Variants in SLC5A12 observed in about 807,000 individuals in gnomAD.
SLC5A12 encodes the protein sodium-coupled monocarboxylate transporter 2.
A neutral mutation model predicts 72.7 loss-of-function variants in SLC5A12; 46 were observed. The ratio of observed to expected loss-of-function variants is 0.63; its 90% confidence interval spans 0.50 to 0.81. SLC5A12 has a LOEUF of 0.81. Among genes scored for constraint, SLC5A12 ranks in the 30% least tolerant of loss-of-function variants. SLC5A12 has a pLI of 0.00. For synonymous variants in SLC5A12, 275 were observed against 264.4 expected (o/e 1.04, Z -0.39); for missense variants, 683 against 740.7 (o/e 0.92, Z 0.90).
chr11:26,695,938 CT>C (rs1240972981), intron 8 of SLC5A12, among the ~76,000 whole-genome samples: 1 of 152,120 alleles, frequency 6.6e-6, no homozygotes, highest in African/African-American at 2.4e-5. Flanking sequence ...TTAGTATTTG[CT>C]TTTCCCCCTG....
rs1050537976 is a variant in SLC5A12, at chr11:26,721,973, T to C, written c.-259A>G. The C allele has an allele frequency of 6.3e-6, 3 of 479,238 alleles. No homozygotes were observed. Among genetic ancestry groups the C allele is most frequent in the African/African-American group, 5.8e-5 (3 of 51,388 alleles). The allele number at this position is 479,238 out of a possible 1,614,324, so 29.7% of individuals were successfully genotyped here. On this transcript the variant is annotated 5_prime_UTR_variant, in exon 1 of 15. Transcript: ENST00000396005. Reference sequence around the variant, plus strand: ...TGAGAATTTGAAATCTGACCCTAGCTAAGAGCTGTCTGCTCCTCTCCTAAA... The same window carrying C: ...TGAGAATTTGAAATCTGACCCTAGCCAAGAGCTGTCTGCTCCTCTCCTAAA...
chr11:26,714,521 T>C (rs940534983), intron 1 of SLC5A12, among the ~76,000 whole-genome samples: 9 of 152,188 alleles, frequency 5.9e-5, no homozygotes, highest in Admixed American at 5.2e-4. Flanking sequence ...TCAGTAAGTA[T>C]TCTAGAAGAC....
chr11:26,698,267 G>A, intron 7 of SLC5A12, 139 bp downstream of exon 7: 1 of 1,115,652 alleles, frequency 9.0e-7, no homozygotes, highest in South Asian at 1.7e-5. Context: ...TCACCCAAGA[G>A]AAGAAAGAAA....
intron 9 of SLC5A12, among the ~76,000 whole-genome samples, chr11:26,691,181 A>G (rs1207938307): frequency 6.6e-6 from 1 of 152,106 alleles, no homozygotes; most frequent in Non-Finnish European, 1.5e-5. Flanking sequence ...TTACTATCTG[A>G]AAAAAATGCT....
intron 8 of SLC5A12, among the ~76,000 whole-genome samples, chr11:26,693,049 C>G (rs992432471): frequency 6.6e-6 from 1 of 152,278 alleles, no homozygotes; most frequent in African/African-American, 2.4e-5. Flanking sequence ...TTCTGGGTAT[C>G]AAGCATACAA....
At chr11:26,721,335 T>A in intron 1 of SLC5A12, 41 bp downstream of exon 1, 1 of 1,492,780 alleles carries the variant, frequency 6.7e-7, no homozygotes, top group Non-Finnish European at 9.1e-7. Flanking sequence ...ATCAAGAGGA[T>A]GAGAAAAAAA....
intron 11 of SLC5A12, 125 bp downstream of exon 11, chr11:26,683,632 A>T: frequency 2.9e-6 from 2 of 695,660 alleles, no homozygotes; most frequent in Non-Finnish European, 4.9e-6. Context: ...AGCTCTGTTT[A>T]ATTCTGCTGT....
chr11:26,687,313 TAGAG>T lies in SLC5A12; in HGVS notation c.1154-773_1154-770del, dbSNP rs151031155. Among the ~76,000 whole-genome samples, 505 of 152,108 alleles carry T rather than the reference TAGAG, an allele frequency of 3.3e-3. 1 individual carries two copies. The highest frequency in any genetic ancestry group is 9.8e-3 in the African/African-American group (408 of 41,484). On this transcript the variant is annotated intron_variant, in intron 9 of 14. Transcript: ENST00000396005. Reference sequence around the variant, plus strand: ...CAATAATAACACATAAACAAAACAATAGAGAGAAAGATAGGCAAAAAGTAGCAGA... The same window carrying T: ...CAATAATAACACATAAACAAAACAATAGAAAGATAGGCAAAAAGTAGCAGA...
At chr11:26,718,817 A>G (rs1220226244) in intron 1 of SLC5A12, among the ~76,000 whole-genome samples, 1 of 152,144 alleles carries the variant, frequency 6.6e-6, no homozygotes, top group African/African-American at 2.4e-5. Flanking sequence ...CTTGCATGCC[A>G]TAATGCCAAT....
intron 6 of SLC5A12, among the ~76,000 whole-genome samples, chr11:26,701,476 C>T (rs1854956723): frequency 1.3e-5 from 2 of 152,116 alleles, no homozygotes; most frequent in South Asian, 2.1e-4. Flanking sequence ...AGCTTTCATA[C>T]TCACTAAATA....
rs1211695438 is a variant in SLC5A12 at position 26,669,012 on chromosome 11, G to T, written c.*2090C>A. The T allele has an allele frequency of 1.3e-5, 2 of 151,826 alleles. No individual in the cohort carries two copies. The highest frequency in any genetic ancestry group is 2.9e-5 in the Non-Finnish European group (2 of 67,930). The allele number at this position is 151,826 out of a possible 1,614,324, so 9.4% of individuals were successfully genotyped here. ...TGCTTTTATGCTATCCCAAGTGGAAGTTCACAATCCTGATGTATTCCAAAT... is the reference window on the plus strand; with the variant it reads ...TGCTTTTATGCTATCCCAAGTGGAATTTCACAATCCTGATGTATTCCAAAT... On this transcript the variant is annotated 3_prime_UTR_variant, in exon 15 of 15. Transcript: ENST00000396005.
At chr11:26,722,857 T>C (rs1437055781), upstream of SLC5A12, among the ~76,000 whole-genome samples, 1 of 150,920 alleles carries the variant, frequency 6.6e-6, no homozygotes, top group African/African-American at 2.4e-5. Flanking sequence ...TCTACAAAGC[T>C]TGTGTATTCT....
Position 26,721,811 on chromosome 11 carries a change from A to C in SLC5A12, c.-97T>G. ...TCAGTACAGTGGATGCTTTGCTGAG[A>C]GGAGAGACTGTGATTCCCTGAAGAA... On this transcript the variant is annotated 5_prime_UTR_variant, in exon 1 of 15. Transcript: ENST00000396005. 1 of 1,039,010 alleles carries C rather than the reference A, an allele frequency of 9.6e-7. No homozygotes were observed. The highest frequency in any genetic ancestry group is 1.4e-6 in the Non-Finnish European group (1 of 700,370). 64.4% of individuals were successfully genotyped at this position (1,039,010 alleles called of 1,614,324 possible).
In SLC5A12 at chr11:26,712,658, T is replaced by C; in HGVS notation, c.388A>G (p.Ile130Val). Reference sequence around the variant, plus strand: ...CCACTTACCGTCTGTACAATGTAGATGACCGTGGCAGCATAGCGAACTGGT... The same window carrying C: ...CCACTTACCGTCTGTACAATGTAGACGACCGTGGCAGCATAGCGAACTGGT... ...NKPVRYAATV[I>V]YIVQTILYTG... Residue 130 changes from isoleucine to valine, a missense_variant, in exon 2 of 15, where the codon ATC becomes GTC. Ile to Val is a conservative substitution (Grantham distance 29). Transcript: ENST00000396005. 3 of 1,589,566 alleles carry C rather than the reference T, an allele frequency of 1.9e-6. No homozygotes were observed. The highest frequency in any genetic ancestry group is 2.6e-6 in the Non-Finnish European group (3 of 1,161,982).
intron 10 of SLC5A12, among the ~76,000 whole-genome samples, chr11:26,685,299 T>G (rs1854502100): frequency 6.6e-6 from 1 of 152,190 alleles, no homozygotes. Flanking sequence ...TGAAAACTTA[T>G]GCCATGATAA....
rs549205984 is a variant in SLC5A12 at position 26,698,298 on chromosome 11, A to G, written c.951+108T>C. On this transcript the variant is annotated intron_variant, in intron 7 of 14. Transcript: ENST00000396005. ...AGAAACCAACTTCTTGGGGTTTGAG[A>G]AATAGTGAGCAGTCCAGGAAGAAAA... 5.7e-6 allele frequency: 8 copies of G among 1,404,592 alleles called. No individual in the cohort carries two copies. The East Asian group carries it at 1.6e-4, about 29-fold the overall frequency. 87.0% of individuals were successfully genotyped at this position (1,404,592 alleles called of 1,614,324 possible).
intron 10 of SLC5A12, among the ~76,000 whole-genome samples, 174 bp downstream of exon 10, chr11:26,686,303 C>CTTT (rs386373425): frequency 2.0e-5 from 3 of 151,630 alleles, no homozygotes; most frequent in Non-Finnish European, 4.4e-5. Flanking sequence ...AAGATAAGTT[C>CTTT]TTTTTTTGTG....
At chr11:26,673,346 A>G in intron 14 of SLC5A12, 56 bp downstream of exon 14, 1 of 1,410,662 alleles carries the variant, frequency 7.1e-7, no homozygotes. Flanking sequence ...AAATGGGCAA[A>G]ACCAGGAATC....
chr11:26,718,125 T>C (rs540821092), intron 1 of SLC5A12, among the ~76,000 whole-genome samples: 1 of 152,214 alleles, frequency 6.6e-6, no homozygotes, highest in Non-Finnish European at 1.5e-5. Context: ...CAATAACTAC[T>C]AGAGAATGGA....
Sources: gnomAD v4.1 joint callset for allele counts (sites outside exome capture counted in the v4.1 genomes callset) on GRCh38, gnomAD v4.1.1 for gene constraint, MANE v1.5 for transcripts, NCBI Gene and HGNC (gene_info 2026-07-23, HGNC 2026-07-21) for gene names.